The following OXSR1 variants were observed in gnomAD, a reference collection of about 807,000 sequenced individuals.
The protein encoded by OXSR1 is serine/threonine-protein kinase OSR1.
Under a neutral mutation model 79.8 loss-of-function variants are expected in OXSR1, and 24 were observed. The observed-to-expected ratio is 0.30, with a 90% CI of 0.22 to 0.42. The LOEUF is 0.42. OXSR1 is among the 10% of genes least tolerant of loss of function. The pLI is 1.00. For missense variants in OXSR1, 430 were observed against 618.4 expected, an observed-to-expected ratio of 0.70 and a Z score of 3.23; for synonymous variants, 226 against 209.2, an observed-to-expected ratio of 1.08 and a Z score of -0.69.
At chr3:38,214,891 G>A (rs1287882487) in intron 4 of OXSR1, among the ~76,000 whole-genome samples, 2 of 152,324 alleles carry the variant, frequency 1.3e-5, no homozygotes, top group East Asian at 3.9e-4. Flanking sequence ...ACCAGGGATA[G>A]GATGAAGTGC....
chr3:38,250,243 C>T (rs1443366567), intron 15 of OXSR1: 2 of 474,596 alleles, frequency 4.2e-6, no homozygotes, highest in Non-Finnish European at 7.5e-6. Context: ...TATGATAGCT[C>T]TTTACAGCTT....
At chr3:38,249,444 A>G (rs1703211105) in intron 14 of OXSR1, among the ~76,000 whole-genome samples, 1 of 152,038 alleles carries the variant, frequency 6.6e-6, no homozygotes, top group Non-Finnish European at 1.5e-5. Flanking sequence ...TATAAAAACT[A>G]CCTCTAAAAT....
chr3:38,214,110 TG>T (rs1407493999), intron 4 of OXSR1, among the ~76,000 whole-genome samples: 1 of 151,882 alleles, frequency 6.6e-6, no homozygotes, highest in East Asian at 1.9e-4. Context: ...GAGTAGGGAT[TG>T]GGGAAGCAGG....
intron 11 of OXSR1, among the ~76,000 whole-genome samples, chr3:38,239,623 G>T (rs192090017): frequency 3.3e-5 from 5 of 152,102 alleles, no homozygotes; most frequent in Non-Finnish European, 7.4e-5. Flanking sequence ...ACCTCTCATC[G>T]TTTTTGATGT....
chr3:38,183,451 C>T (rs1181096952), intron 2 of OXSR1, among the ~76,000 whole-genome samples: 2 of 152,134 alleles, frequency 1.3e-5, no homozygotes, highest in Admixed American at 6.5e-5. Context: ...GGATCAGTAT[C>T]ATTTACAGTG....
At chr3:38,204,704 T>C (rs970788822) in intron 4 of OXSR1, among the ~76,000 whole-genome samples, 6 of 151,532 alleles carry the variant, frequency 4.0e-5, no homozygotes, top group Admixed American at 6.6e-5. Context: ...AACAAAGTCC[T>C]CTACTCTTCC....
intron 3 of OXSR1, among the ~76,000 whole-genome samples, chr3:38,197,667 G>A (rs1317968852): frequency 1.3e-5 from 2 of 152,106 alleles, no homozygotes; most frequent in Non-Finnish European, 1.5e-5. Flanking sequence ...CCAAGTTAGT[G>A]GATTTTAAGT....
At chr3:38,193,169 G>A in intron 3 of OXSR1, 1 of 679,618 alleles carries the variant, frequency 1.5e-6, no homozygotes, top group Middle Eastern at 3.1e-4. Context: ...ATCCACCACT[G>A]TGCTGACATT....
intron 9 of OXSR1, among the ~76,000 whole-genome samples, 200 bp from the exon 10 acceptor site, chr3:38,230,165 A>G (rs1000341159): frequency 1.3e-5 from 2 of 152,210 alleles, no homozygotes; most frequent in Non-Finnish European, 2.9e-5. Context: ...AGTGTACTAC[A>G]TCTTAATTTT....
Position 38,246,182 on chromosome 3 carries a change from C to T in OXSR1, c.1218C>T (p.Val406=). The change falls in exon 13 of 18, where the codon GTC becomes GTT. Residue 406 remains valine (V), a synonymous_variant. Coordinates refer to ENST00000311806, the MANE Select transcript of OXSR1 (RefSeq NM_005109.3). ...AGQIATQPTQ[V]SLPPTAEPAK... is the part of the protein sequence containing the mutation. ...AGATTGCTACACAGCCAACTCAAGT[C>T]TCTCTCCCACCCACCGCAGAGCCAG... is the stretch of plus-strand genomic sequence containing the variant. 6.2e-7 allele frequency: 1 copy of T among 1,613,774 alleles called. No homozygotes were observed. The highest frequency in any genetic ancestry group is 8.5e-7 in the Non-Finnish European group (1 of 1,179,808).
intron 1 of OXSR1, among the ~76,000 whole-genome samples, chr3:38,169,049 A>G (rs1392340418): frequency 1.3e-5 from 2 of 152,230 alleles, no homozygotes. Context: ...TTTTCAAAGT[A>G]ACTGTACCAT....
At chr3:38,184,478 G>A (rs867293342) in intron 2 of OXSR1, among the ~76,000 whole-genome samples, 6 of 152,060 alleles carry the variant, frequency 3.9e-5, no homozygotes, top group South Asian at 2.1e-4. Context: ...GATAAACTGC[G>A]AACTAATTCT....
chr3:38,252,195 T>C, intron 16 of OXSR1, 133 bp from the exon 17 acceptor site: 2 of 694,456 alleles, frequency 2.9e-6, no homozygotes, highest in Non-Finnish European at 5.2e-6. Context: ...AGGGGAGTGA[T>C]TATTTGATCT....
At position 38,236,247 on chromosome 3, in the gene OXSR1, A is replaced by T. The variant is rs941931966; in HGVS notation, c.952-592A>T. Among the ~76,000 whole-genome samples the T allele has an allele frequency of 4.7e-4, 71 of 152,280 alleles. 4 individuals are homozygous for T. The East Asian group carries it at 8.5e-3, about 18-fold the overall frequency. ...TAACAGAGTTAAATTTTCATCTTCT[A>T]TGTGGGAAGTCCTACAGATAACTCC... On this transcript the variant is annotated intron_variant, in intron 10 of 17. Coordinates refer to ENST00000311806, the MANE Select transcript of OXSR1 (RefSeq NM_005109.3).
rs184759246 is a variant in OXSR1, at chr3:38,253,576, C to T, written c.*685C>T. ...CTGGTGCAAAACATCTGACTGTAGC[C>T]GAACTTCAGCCATCAGATCCTTCAA... is the stretch of plus-strand genomic sequence containing the variant. On this transcript the variant is annotated 3_prime_UTR_variant, in exon 18 of 18. Transcript: ENST00000311806. The T allele has an allele frequency of 6.6e-6, 1 of 152,666 alleles. No individual in the cohort carries two copies. The highest frequency in any genetic ancestry group is 1.9e-4 in the East Asian group (1 of 5,174). The allele number at this position is 152,666 out of a possible 1,614,324, so 9.5% of individuals were successfully genotyped here.
chr3:38,225,784 A>T (rs1170948202), intron 8 of OXSR1, among the ~76,000 whole-genome samples: 1 of 152,172 alleles, frequency 6.6e-6, no homozygotes, highest in Non-Finnish European at 1.5e-5. Flanking sequence ...GGCTGTTTTC[A>T]GTGGGTCACT....
chr3:38,168,868 G>T (rs1424922082), intron 1 of OXSR1, among the ~76,000 whole-genome samples: 4 of 152,202 alleles, frequency 2.6e-5, no homozygotes, highest in Non-Finnish European at 5.9e-5. Context: ...TTGGATACCA[G>T]TTAATGGGCA....
At chr3:38,199,448 G>T (rs2125820302) in intron 4 of OXSR1, among the ~76,000 whole-genome samples, 1 of 151,946 alleles carries the variant, frequency 6.6e-6, no homozygotes, top group South Asian at 2.1e-4. Context: ...GGCTGTCCTT[G>T]AACTCCTGGC....
chr3:38,167,529 T>C (rs1269305496), intron 1 of OXSR1, among the ~76,000 whole-genome samples: 1 of 152,208 alleles, frequency 6.6e-6, no homozygotes, highest in Non-Finnish European at 1.5e-5. Context: ...TTTATTTCAC[T>C]GTGGGTTTAA....
Sources: gnomAD v4.1 joint callset for allele counts (sites outside exome capture counted in the v4.1 genomes callset) on GRCh38, gnomAD v4.1.1 for gene constraint, MANE v1.5 for transcripts, NCBI Gene and HGNC (gene_info 2026-07-23, HGNC 2026-07-21) for gene names.